Variants in CTNNA2 observed in about 807,000 individuals in gnomAD.
CTNNA2 encodes catenin alpha-2.
In CTNNA2, 42 loss-of-function variants were observed where a neutral mutation model predicts 101.0. The observed-to-expected ratio is 0.42, with a 90% confidence interval of 0.32 to 0.54. The LOEUF (loss-of-function observed/expected upper bound fraction) is 0.54, where lower values mean the gene tolerates loss of function less well. CTNNA2 is among the 20% of genes least tolerant of loss of function. The pLI is 0.14. For missense variants in CTNNA2, 871 were observed against 1,223.1 expected, an observed-to-expected ratio of 0.71 and a Z score of 4.29; for synonymous variants, 450 against 456.4, an observed-to-expected ratio of 0.99 and a Z score of 0.18.
chr2:79,188,059 A>T (rs1008793348), intron 1 of CTNNA2, among the ~76,000 whole-genome samples: 5 of 152,198 alleles, frequency 3.3e-5, no homozygotes, highest in African/African-American at 1.2e-4. Flanking sequence ...GATTTTAAAG[A>T]TGCTTAAATA....
At chr2:79,717,871 A>G (rs963269619) in intron 2 of CTNNA2, among the ~76,000 whole-genome samples, 3 of 152,074 alleles carry the variant, frequency 2.0e-5, no homozygotes, top group East Asian at 1.9e-4. Flanking sequence ...AGTGGAACCT[A>G]CCTTTCACTC....
At chr2:79,668,383 ATG>A (rs1393076071) in intron 2 of CTNNA2, among the ~76,000 whole-genome samples, 1 of 151,228 alleles carries the variant, frequency 6.6e-6, no homozygotes, top group Non-Finnish European at 1.5e-5. Flanking sequence ...AAATGAATGT[ATG>A]AGCTAATTCA....
intron 2 of CTNNA2, among the ~76,000 whole-genome samples, chr2:79,721,070 A>T (rs752798449): frequency 7.2e-4 from 70 of 97,702 alleles, no homozygotes; most frequent in East Asian, 1.6e-3. Context: ...TTTTTTTTTT[A>T]AATCACATCA....
At chr2:80,638,332 G>T (rs1299125980) in intron 18 of CTNNA2, among the ~76,000 whole-genome samples, 1 of 149,968 alleles carries the variant, frequency 6.7e-6, no homozygotes, top group Non-Finnish European at 1.5e-5. Flanking sequence ...TATGGGGGGG[G>T]TGCCTGAAAG....
At chr2:79,515,902 C>T (rs1189905324) in intron 1 of CTNNA2, among the ~76,000 whole-genome samples, 1 of 152,150 alleles carries the variant, frequency 6.6e-6, no homozygotes, top group Non-Finnish European at 1.5e-5. Flanking sequence ...CTGTGTCTCC[C>T]TCCCTCAGAG....
At chr2:79,790,520 T>C (rs955705500) in intron 3 of CTNNA2, among the ~76,000 whole-genome samples, 3 of 152,144 alleles carry the variant, frequency 2.0e-5, no homozygotes, top group Admixed American at 6.5e-5. Context: ...GCGTAATGAT[T>C]GTTGATTAAA....
rs115476160 is a variant in CTNNA2, at chr2:80,595,562, A to T, written c.2189+6077A>T. On this transcript the variant is annotated intron_variant, in intron 15 of 18. Transcript: ENST00000402739. ...TTGCTTTGATCCTGGTCTTAGAGGT[A>T]AAGCTTTTATTATTCACCATTGAGT... 8.6e-4 allele frequency among the ~76,000 whole-genome samples: 131 copies of T among 152,324 alleles called. 2 individuals carry two copies. The Middle Eastern group carries it at 0.01, about 12-fold the overall frequency.
Position 79,903,170 on chromosome 2 carries a change from T to A in CTNNA2, c.853-6424T>A, listed in dbSNP as rs80037924. Among the ~76,000 whole-genome samples the A allele has an allele frequency of 1.8e-3, 278 of 152,328 alleles. 6 individuals are homozygous for A. In the East Asian group the frequency reaches 0.049, roughly 27 times the overall value. ...GTGTTAGAGGTCTAGGTTTTATCTTTGTCTCCTTCTCCCTCATTGTCATAG... is the reference window on the plus strand; with the variant it reads ...GTGTTAGAGGTCTAGGTTTTATCTTAGTCTCCTTCTCCCTCATTGTCATAG... On this transcript the variant is annotated intron_variant, in intron 6 of 18. Transcript: ENST00000402739.
At chr2:80,560,489 G>A (rs1056525679) in intron 12 of CTNNA2, among the ~76,000 whole-genome samples, 1 of 152,182 alleles carries the variant, frequency 6.6e-6, no homozygotes, top group South Asian at 2.1e-4. Flanking sequence ...AGAATGGGTC[G>A]GTATTAATTG....
chr2:79,965,699 C>T (rs1689990774), intron 7 of CTNNA2, among the ~76,000 whole-genome samples: 2 of 151,618 alleles, frequency 1.3e-5, no homozygotes, highest in Non-Finnish European at 2.9e-5. Context: ...TGTCGCATGC[C>T]TGTAATCCCA....
intron 1 of CTNNA2, among the ~76,000 whole-genome samples, chr2:79,543,082 T>TA (rs1165294025): frequency 1.3e-5 from 2 of 152,178 alleles, no homozygotes; most frequent in Admixed American, 1.3e-4. Flanking sequence ...AACTTTAGCT[T>TA]ACAGTGTTAA....
Position 79,744,515 on chromosome 2 carries a change from G to T in CTNNA2, c.231G>T (p.Gln77His). Residue 77 changes from glutamine to histidine, a missense_variant, in exon 3 of 19, where the codon CAG (glutamine) becomes CAT (histidine). Coordinates refer to ENST00000402739, the MANE Select transcript of CTNNA2 (RefSeq NM_001282597.3). ...AGAATTTCCTGGAAAAGGGTGAACA[G>T]ATCGCTAAGGAGAGTCAAGATCTCA... is the stretch of plus-strand genomic sequence containing the variant. ...ATQNFLEKGEQIAKESQDLKE... is the reference protein window; with the variant it reads ...ATQNFLEKGEHIAKESQDLKE... 2 of 1,614,096 alleles carry T rather than the reference G, an allele frequency of 1.2e-6. No individual in the cohort carries two copies. The highest frequency in any genetic ancestry group is 1.7e-6 in the Non-Finnish European group (2 of 1,179,976).
At chr2:80,037,661 C>G (rs1020565930) in intron 7 of CTNNA2, among the ~76,000 whole-genome samples, 1 of 152,014 alleles carries the variant, frequency 6.6e-6, no homozygotes, top group Non-Finnish European at 1.5e-5. Context: ...GTTGCTGTGA[C>G]GATTAAATGA....
chr2:79,316,949 A>C (rs890821572), intron 3 of CTNNA2, among the ~76,000 whole-genome samples: 1 of 151,990 alleles, frequency 6.6e-6, no homozygotes, highest in Non-Finnish European at 1.5e-5. Flanking sequence ...GAATTGAAAA[A>C]AGCAGACGTT....
chr2:79,786,487 A>ATTTT (rs10648026), intron 3 of CTNNA2, among the ~76,000 whole-genome samples: 2 of 151,666 alleles, frequency 1.3e-5, no homozygotes, highest in African/African-American at 4.9e-5. Flanking sequence ...TTAAGTAAAG[A>ATTTT]TATTTTTTTT....
Position 79,454,351 on chromosome 2 carries a change from A to G in CTNNA2, c.-134-50703A>G, listed in dbSNP as rs1024964913. The stretch of plus-strand genomic sequence containing the variant: ...TTGTATTACATTTCTAGTACTTGCA[A>G]TCTACATCTAACACACCCTCTCACA... On this transcript the variant is annotated intron_variant, in intron 4 of 21. Coordinates refer to the CTNNA2 transcript ENST00000466387. Among the ~76,000 whole-genome samples the G allele has an allele frequency of 2.7e-4, 41 of 152,162 alleles. 1 individual carries two copies. The highest frequency in any genetic ancestry group is 1.5e-5 in the Non-Finnish European group (1 of 68,014).
intron 7 of CTNNA2, among the ~76,000 whole-genome samples, chr2:79,941,941 T>C (rs935813680): frequency 1.3e-5 from 2 of 152,096 alleles, no homozygotes; most frequent in Non-Finnish European, 2.9e-5. Flanking sequence ...TTTTAAAGGA[T>C]CTGTAGAAAT....
At chr2:79,249,926 G>T (rs956682855) in intron 2 of CTNNA2, among the ~76,000 whole-genome samples, 2 of 152,088 alleles carry the variant, frequency 1.3e-5, no homozygotes, top group Non-Finnish European at 2.9e-5. Context: ...TGGGTCTTCT[G>T]ATAAGAAATT....
intron 3 of CTNNA2, among the ~76,000 whole-genome samples, chr2:79,365,497 A>G (rs1427944756): frequency 6.6e-6 from 1 of 150,782 alleles, no homozygotes; most frequent in African/African-American, 2.4e-5. Context: ...GTGGTGGTGC[A>G]TGCCTGTAGT....
Sources: allele counts gnomAD v4.1 joint callset (sites outside exome capture counted in the v4.1 genomes callset), GRCh38; gene constraint gnomAD v4.1.1; transcripts MANE v1.5; gene names NCBI Gene and HGNC (gene_info 2026-07-23, HGNC 2026-07-21).